TEX11: variants seen among roughly 807,000 people sequenced by gnomAD.
The protein encoded by TEX11 is testis-expressed protein 11.
Under a neutral mutation model 84.4 loss-of-function variants are expected in TEX11, and 7 were observed. That is an observed-to-expected ratio of 0.08 (90% CI 0.05 to 0.16). TEX11 has a LOEUF of 0.16. Among genes scored for constraint, TEX11 ranks in the 10% least tolerant of loss-of-function variants. The pLI is 1.00. For missense variants in TEX11, 551 were observed against 660.5 expected, an observed-to-expected ratio of 0.83 and a Z score of 1.82; for synonymous variants, 264 against 222.8, an observed-to-expected ratio of 1.18 and a Z score of -1.64.
intron 13 of TEX11, among the ~76,000 whole-genome samples, chrX:70,706,814 G>C (rs939951323): frequency 6.3e-5 from 7 of 110,400 alleles, no homozygotes; most frequent in Non-Finnish European, 1.3e-4. Context: ...CTTCATATTT[G>C]AGCTACTTAC....
rs1340582699 is a variant in TEX11 at position 70,710,710 on chromosome X, G to A, written c.1004+11908C>T. Among the ~76,000 whole-genome samples, 3 of 110,528 alleles carry A rather than the reference G, an allele frequency of 2.7e-5. No individual in the cohort carries two copies. In the Admixed American group the frequency reaches 2.9e-4, roughly 11 times the overall value. Reference sequence around the variant, plus strand: ...CTGCATCTTAACATGATCTTCAGCTGATCTAGCCAATCATATACACATTAA... The same window carrying A: ...CTGCATCTTAACATGATCTTCAGCTAATCTAGCCAATCATATACACATTAA... On this transcript the variant is annotated intron_variant, in intron 13 of 29. Coordinates refer to ENST00000374333, the MANE Select transcript of TEX11 (RefSeq NM_031276.3).
chrX:70,768,249 T>C (rs953949563), intron 9 of TEX11, among the ~76,000 whole-genome samples: 2 of 111,050 alleles, frequency 1.8e-5, no homozygotes, highest in South Asian at 3.9e-4. Context: ...ATGTATCCCA[T>C]AAATATGTAT....
In TEX11 at chrX:70,609,198, T is replaced by C. The variant is rs1390687164; in HGVS notation, c.1793-21A>G. The C allele has an allele frequency of 2.6e-6, 3 of 1,163,990 alleles. No homozygotes were observed. In the East Asian group the frequency reaches 9.0e-5, roughly 35 times the overall value. On this transcript the variant is annotated intron_variant, in intron 21 of 29. Transcript: ENST00000374333. ...AAAGGCTGCATCAAACAGGAAAATT[T>C]GATACTGATGGTCTTATTTTATACT...
the TEX11 span, among the ~76,000 whole-genome samples, chrX:70,520,156 G>C: frequency 8.9e-6 from 1 of 111,824 alleles, no homozygotes; most frequent in African/African-American, 3.3e-5. Context: ...GCTTTGTTCT[G>C]TTGCTGGCGA....
At chrX:70,626,187 C>CA (rs2089449743) in intron 18 of TEX11, among the ~76,000 whole-genome samples, 1 of 111,402 alleles carries the variant, frequency 9.0e-6, no homozygotes, top group South Asian at 3.8e-4. Context: ...CTAACAATTG[C>CA]AATCATTTCA....
intron 9 of TEX11, among the ~76,000 whole-genome samples, chrX:70,792,081 C>T (rs188715985): frequency 1.5e-3 from 141 of 95,796 alleles, no homozygotes; most frequent in African/African-American, 5.1e-3. Flanking sequence ...GCCGAGATTG[C>T]GCCATTGCAC....
chrX:70,552,001 A>C (rs1234815873), intron 28 of TEX11, 125 bp downstream of exon 28: 1 of 825,918 alleles, frequency 1.2e-6, no homozygotes, highest in African/African-American at 2.1e-5. Context: ...GTGTAACTAC[A>C]AAATTGTAAT....
chrX:70,683,663 GA>G (rs1276840178), intron 13 of TEX11, among the ~76,000 whole-genome samples: 1 of 111,163 alleles, frequency 9.0e-6, no homozygotes, highest in Admixed American at 9.6e-5. Context: ...TGCAGAAATG[GA>G]AAAAATCCAT....
At chrX:70,611,026 A>T (rs753455045) in intron 20 of TEX11, among the ~76,000 whole-genome samples, 2 of 112,254 alleles carry the variant, frequency 1.8e-5, no homozygotes, top group African/African-American at 3.2e-5. Flanking sequence ...GTGCCACAAA[A>T]TTTCCACGGT....
intron 4 of TEX11, among the ~76,000 whole-genome samples, chrX:70,870,229 G>C (rs747043921): frequency 4.5e-5 from 5 of 112,132 alleles, no homozygotes; most frequent in African/African-American, 1.6e-4. Context: ...TGGTATCTTT[G>C]TTCTGGTATC....
At chrX:70,897,650 AG>A in intron 2 of TEX11, 1 of 93,623 alleles carries the variant, frequency 1.1e-5, no homozygotes, top group Non-Finnish European at 2.1e-5. Context: ...GAAGGAAGGA[AG>A]GAAGGAAGGA....
intron 9 of TEX11, among the ~76,000 whole-genome samples, chrX:70,776,730 G>A (rs1166018423): frequency 9.0e-6 from 1 of 110,848 alleles, no homozygotes; most frequent in Admixed American, 9.6e-5. Flanking sequence ...GTAGAAAATA[G>A]AATGATAATA....
chrX:70,642,160 A>G (rs914581628), intron 17 of TEX11, among the ~76,000 whole-genome samples: 1 of 112,036 alleles, frequency 8.9e-6, no homozygotes, highest in African/African-American at 3.2e-5. Flanking sequence ...AATAAACTAG[A>G]AAATCTAGAA....
At chrX:70,733,329 G>A (rs1421274003) in intron 11 of TEX11, among the ~76,000 whole-genome samples, 3 of 111,437 alleles carry the variant, frequency 2.7e-5, no homozygotes, top group Non-Finnish European at 3.8e-5. Context: ...AAGAGCTTCT[G>A]CACAGCAAAA....
chrX:70,826,347 A>T (rs1294943639), intron 8 of TEX11, among the ~76,000 whole-genome samples: 1 of 111,099 alleles, frequency 9.0e-6, no homozygotes, highest in Non-Finnish European at 1.9e-5. Flanking sequence ...GGGTGGGGCA[A>T]GATCATGGAA....
intron 11 of TEX11, among the ~76,000 whole-genome samples, chrX:70,732,302 G>A (rs757401890): frequency 2.7e-5 from 3 of 111,279 alleles, no homozygotes; most frequent in African/African-American, 6.5e-5. Context: ...AGTTCTGGCC[G>A]GGGCAATCAG....
At chrX:70,793,572 C>T (rs1179626224) in intron 9 of TEX11, among the ~76,000 whole-genome samples, 1 of 111,513 alleles carries the variant, frequency 9.0e-6, no homozygotes, top group Non-Finnish European at 1.9e-5. Context: ...TGTCTGCTCC[C>T]GCTTCACCTT....
At chrX:70,767,178 G>A (rs950722359) in intron 9 of TEX11, among the ~76,000 whole-genome samples, 5 of 111,227 alleles carry the variant, frequency 4.5e-5, no homozygotes, top group Non-Finnish European at 7.5e-5. Context: ...ATGAAGAGAC[G>A]ACCCACAGAA....
chrX:70,723,479 T>C (rs2090576375), intron 12 of TEX11, among the ~76,000 whole-genome samples: 1 of 111,858 alleles, frequency 8.9e-6, no homozygotes, highest in Non-Finnish European at 1.9e-5. Flanking sequence ...TAGTTACAAT[T>C]CTGTAATAAA....
Sources: allele counts gnomAD v4.1 joint callset (sites outside exome capture counted in the v4.1 genomes callset), GRCh38; gene constraint gnomAD v4.1.1; transcripts MANE v1.5; gene names NCBI Gene and HGNC (gene_info 2026-07-23, HGNC 2026-07-21).